The following GALNTL6 variants were observed in gnomAD, a reference collection of about 807,000 sequenced individuals.
The protein encoded by GALNTL6 is polypeptide N-acetylgalactosaminyltransferase like 6, also known as polypeptide N-acetylgalactosaminyltransferase-like 6.
Under a neutral mutation model 73.7 loss-of-function variants are expected in GALNTL6, and 46 were observed. That is an observed-to-expected ratio of 0.62 (90% CI 0.49 to 0.80). The LOEUF (loss-of-function observed/expected upper bound fraction) is 0.80. Ranked by LOEUF, GALNTL6 falls within the 30% of genes least tolerant of loss-of-function variation. The probability of loss-of-function intolerance (pLI) is 0.00; values close to 1 mark genes in which losing one functional copy is unlikely to be tolerated. For synonymous variants in GALNTL6, 259 were observed against 263.7 expected, an observed-to-expected ratio of 0.98 and a Z score of 0.17; for missense variants, 604 against 755.0, an observed-to-expected ratio of 0.80 and a Z score of 2.34.
chr4:172,607,565 G>A (rs931914081), intron 5 of GALNTL6, among the ~76,000 whole-genome samples: 3 of 152,128 alleles, frequency 2.0e-5, no homozygotes, highest in African/African-American at 7.2e-5. Context: ...GAACATACAT[G>A]TGCATGTGTC....
At chr4:172,735,070 C>T (rs561030969) in intron 5 of GALNTL6, among the ~76,000 whole-genome samples, 82 of 152,298 alleles carry the variant, frequency 5.4e-4, no homozygotes, top group African/African-American at 1.8e-3. Flanking sequence ...CACAGAGTCC[C>T]CACTGTGGCA....
At chr4:172,640,097 CTAT>C (rs1739902051) in intron 5 of GALNTL6, among the ~76,000 whole-genome samples, 2 of 152,080 alleles carry the variant, frequency 1.3e-5, no homozygotes, top group South Asian at 4.1e-4. Context: ...TCACTCAAAT[CTAT>C]TTCATTCAGA....
chr4:172,985,255 C>G (rs1332099670), intron 10 of GALNTL6, among the ~76,000 whole-genome samples: 2 of 151,890 alleles, frequency 1.3e-5, no homozygotes. Context: ...TAAACATGAC[C>G]TGCAAAAAGT....
chr4:172,870,178 GC>G (rs1297850989), intron 7 of GALNTL6, among the ~76,000 whole-genome samples: 4 of 151,968 alleles, frequency 2.6e-5, no homozygotes, highest in Admixed American at 2.0e-4. Context: ...ATCATAAAGA[GC>G]CTAGGAGTCA....
intron 2 of GALNTL6, among the ~76,000 whole-genome samples, chr4:172,048,240 A>G (rs1742272763): frequency 6.6e-6 from 1 of 152,136 alleles, no homozygotes; most frequent in Admixed American, 6.6e-5. Context: ...ATAATATCCC[A>G]TTACTATGCT....
chr4:172,060,191 C>T (rs1465017491), intron 2 of GALNTL6, among the ~76,000 whole-genome samples: 1 of 152,026 alleles, frequency 6.6e-6, no homozygotes, highest in African/African-American at 2.4e-5. Flanking sequence ...CATGGAAAAG[C>T]CTCAGAGAAA....
At chr4:172,293,830 A>C (rs2111105457) in intron 3 of GALNTL6, among the ~76,000 whole-genome samples, 1 of 151,542 alleles carries the variant, frequency 6.6e-6, no homozygotes, top group East Asian at 1.9e-4. Flanking sequence ...ACATTTCCTT[A>C]AACTTTTTTT....
chr4:172,103,005 G>C (rs1015685109), intron 2 of GALNTL6, among the ~76,000 whole-genome samples: 19 of 152,166 alleles, frequency 1.2e-4, no homozygotes, highest in African/African-American at 4.3e-4. Flanking sequence ...AAGACCTCTG[G>C]TCAAGGCCTA....
intron 9 of GALNTL6, among the ~76,000 whole-genome samples, chr4:172,932,023 G>A (rs749725713): frequency 2.0e-5 from 3 of 152,080 alleles, no homozygotes; most frequent in Admixed American, 6.6e-5. Flanking sequence ...GCTGAGAATC[G>A]AAATCTAGAA....
At chr4:172,935,162 A>G (rs1007840432) in intron 9 of GALNTL6, among the ~76,000 whole-genome samples, 25 of 152,292 alleles carry the variant, frequency 1.6e-4, no homozygotes, top group Admixed American at 1.1e-3. Flanking sequence ...ACCACGCCAG[A>G]GCGCTGCCCT....
intron 3 of GALNTL6, among the ~76,000 whole-genome samples, chr4:172,235,018 A>G (rs1471640209): frequency 6.6e-6 from 1 of 152,126 alleles, no homozygotes; most frequent in Admixed American, 6.5e-5. Flanking sequence ...AATTAATGGT[A>G]TTCTTCTAGT....
intron 5 of GALNTL6, among the ~76,000 whole-genome samples, chr4:172,477,807 ACT>A (rs1177754861): frequency 6.6e-6 from 1 of 151,880 alleles, no homozygotes; most frequent in Admixed American, 6.6e-5. Context: ...AACACAATTG[ACT>A]CTTTAACGCT....
intron 5 of GALNTL6, among the ~76,000 whole-genome samples, chr4:172,403,748 A>G (rs1356218084): frequency 1.3e-5 from 2 of 152,020 alleles, no homozygotes; most frequent in African/African-American, 4.8e-5. Flanking sequence ...TTTCCAAAGC[A>G]ATGGATCTTT....
At chr4:172,670,500 G>GT (rs1242239784) in intron 5 of GALNTL6, among the ~76,000 whole-genome samples, 2 of 151,816 alleles carry the variant, frequency 1.3e-5, no homozygotes, top group Admixed American at 6.6e-5. Flanking sequence ...GGTGTTGTTT[G>GT]TTTTTTTCCT....
At chr4:172,240,157 C>T (rs1391741060) in intron 3 of GALNTL6, among the ~76,000 whole-genome samples, 1 of 152,066 alleles carries the variant, frequency 6.6e-6, no homozygotes, top group Admixed American at 6.6e-5. Flanking sequence ...CCCTTTTTTT[C>T]TGGGACACCA....
chr4:172,059,632 G>A (rs1286851823), intron 2 of GALNTL6, among the ~76,000 whole-genome samples: 2 of 151,942 alleles, frequency 1.3e-5, no homozygotes, highest in African/African-American at 4.8e-5. Context: ...AGATTTTGGA[G>A]CTGAAAAAAA....
At chr4:172,788,716 C>A (rs1312015371) in intron 5 of GALNTL6, among the ~76,000 whole-genome samples, 1 of 144,226 alleles carries the variant, frequency 6.9e-6, no homozygotes, top group African/African-American at 2.5e-5. Context: ...TACATACATA[C>A]ATACTTACAA....
intron 5 of GALNTL6, among the ~76,000 whole-genome samples, chr4:172,724,211 T>G (rs1735662856): frequency 6.6e-6 from 1 of 152,198 alleles, no homozygotes; most frequent in South Asian, 2.1e-4. Flanking sequence ...TAGAAATGAT[T>G]CTAGATTTCA....
chr4:172,704,135 TA>T (rs1158034535), intron 5 of GALNTL6, among the ~76,000 whole-genome samples: 1 of 151,916 alleles, frequency 6.6e-6, no homozygotes, highest in African/African-American at 2.4e-5. Context: ...CTTATATTTT[TA>T]AAAAACCAAC....
Sources: gnomAD v4.1 joint callset for allele counts (sites outside exome capture counted in the v4.1 genomes callset) on GRCh38, gnomAD v4.1.1 for gene constraint, MANE v1.5 for transcripts, NCBI Gene and HGNC (gene_info 2026-07-23, HGNC 2026-07-21) for gene names.